Variants in CDH6 observed in about 807,000 individuals in gnomAD.
CDH6 encodes the protein cadherin 6.
Under a neutral mutation model 78.0 loss-of-function variants are expected in CDH6, and 31 were observed. The ratio of observed to expected loss-of-function variants is 0.40; its 90% CI spans 0.30 to 0.54. The LOEUF (loss-of-function observed/expected upper bound fraction) is 0.54, where lower values mean the gene tolerates loss of function less well. Ranked by LOEUF, CDH6 falls within the 20% of genes least tolerant of loss-of-function variation. The pLI is 0.56. For missense variants in CDH6, 724 were observed against 975.9 expected, an observed-to-expected ratio of 0.74 and a Z score of 3.44; for synonymous variants, 376 against 368.8, an observed-to-expected ratio of 1.02 and a Z score of -0.23.
chr5:31,211,797 C>T (rs891758185), intron 1 of CDH6, among the ~76,000 whole-genome samples: 14 of 152,112 alleles, frequency 9.2e-5, no homozygotes, highest in African/African-American at 1.4e-4. Context: ...GACCTTGCCA[C>T]GGTGTGAGTT....
chr5:31,208,204 G>A lies in CDH6; in HGVS notation c.-129+14318G>A, dbSNP rs550437911. On this transcript the variant is annotated intron_variant, in intron 1 of 11. Coordinates refer to ENST00000265071, the MANE Select transcript of CDH6 (RefSeq NM_004932.4). ...ATGAGCCTGGGAGAGCAACCAACAA[G>A]TCTGTGCACATTCCAGAGGCTACGA... Among the ~76,000 whole-genome samples the A allele has an allele frequency of 2.0e-5, 3 of 152,286 alleles. No homozygotes were observed. The South Asian group carries it at 6.2e-4, about 32-fold the overall frequency.
chr5:31,301,129 A>T (rs919534915), intron 5 of CDH6, among the ~76,000 whole-genome samples: 1 of 152,208 alleles, frequency 6.6e-6, no homozygotes, highest in Non-Finnish European at 1.5e-5. Context: ...TCCAAAAAAA[A>T]TGCTCTTTTT....
intron 1 of CDH6, among the ~76,000 whole-genome samples, chr5:31,201,031 A>G (rs1740336721): frequency 6.6e-6 from 1 of 152,150 alleles, no homozygotes; most frequent in Non-Finnish European, 1.5e-5. Flanking sequence ...TCTTATCTCT[A>G]TCTTTCTCTG....
intron 1 of CDH6, among the ~76,000 whole-genome samples, chr5:31,258,490 G>A (rs1022091768): frequency 5.3e-5 from 8 of 152,132 alleles, no homozygotes; most frequent in African/African-American, 1.9e-4. Context: ...CCTGTTTGTG[G>A]GTGAGGGGCT....
rs1194086412 is a variant in CDH6 at position 31,294,583 on chromosome 5, T to C, written c.523+327T>C. ...TGAAAGCAACCTTCTCCACTTCTCT[T>C]AGCCTATGTGGGTGTTAGGGTCCAA... On this transcript the variant is annotated intron_variant, in intron 3 of 11. Coordinates refer to ENST00000265071, the MANE Select transcript of CDH6 (RefSeq NM_004932.4). The surrounding 1 kb of genome is among the most constrained non-coding windows in gnomAD (Gnocchi z 4.1). 6.6e-6 allele frequency among the ~76,000 whole-genome samples: 1 copy of C among 152,076 alleles called. No homozygotes were observed. Among genetic ancestry groups the C allele is most frequent in the African/African-American group, 2.4e-5 (1 of 41,412 alleles).
chr5:31,284,276 GT>G (rs1742951587), intron 2 of CDH6, among the ~76,000 whole-genome samples: 1 of 152,218 alleles, frequency 6.6e-6, no homozygotes, highest in African/African-American at 2.4e-5. Context: ...TCTCAATGGG[GT>G]TTGTACTAGG....
At chr5:31,253,259 T>C (rs906341987) in intron 1 of CDH6, among the ~76,000 whole-genome samples, 50 of 152,184 alleles carry the variant, frequency 3.3e-4, no homozygotes, top group African/African-American at 1.2e-3. Flanking sequence ...TGGGAGGTAA[T>C]TTATCATGGG....
chr5:31,323,540 G>A lies in CDH6; in HGVS notation c.*232G>A. 2.0e-6 allele frequency: 1 copy of A among 503,684 alleles called. No homozygotes were observed. The highest frequency in any genetic ancestry group is 3.5e-6 in the Non-Finnish European group (1 of 282,428). 31.2% of individuals were successfully genotyped at this position (503,684 alleles called of 1,614,324 possible). A position where few individuals can be genotyped will look rare whatever the true frequency, so the allele number is the denominator to read the frequency against. On this transcript the variant is annotated 3_prime_UTR_variant, in exon 12 of 12. Coordinates refer to ENST00000265071, the MANE Select transcript of CDH6 (RefSeq NM_004932.4). ...CCAGTTAACCAAGTCAGCCCAACAGGCAGGTGCCGGAGGGGAGGACAGGGA... is the reference window on the plus strand; with the variant it reads ...CCAGTTAACCAAGTCAGCCCAACAGACAGGTGCCGGAGGGGAGGACAGGGA...
At chr5:31,206,995 C>T (rs1227736729) in intron 1 of CDH6, among the ~76,000 whole-genome samples, 3 of 152,034 alleles carry the variant, frequency 2.0e-5, no homozygotes, top group Non-Finnish European at 4.4e-5. Flanking sequence ...GTGATTTTGC[C>T]ACAAAGCACA....
intron 2 of CDH6, among the ~76,000 whole-genome samples, chr5:31,269,229 G>C (rs1246892208): frequency 6.9e-6 from 1 of 144,068 alleles, no homozygotes; most frequent in Non-Finnish European, 1.5e-5. Context: ...CTCTCCAATT[G>C]TGATGCCATT....
rs78598441 is a variant in CDH6 at position 31,324,788 on chromosome 5, C to T, written c.*1480C>T. 5.8e-3 allele frequency: 1,195 copies of T among 206,370 alleles called. 18 individuals carry two copies. The highest frequency in any genetic ancestry group is 0.046 in the East Asian group (621 of 13,548). The allele number at this position is 206,370 out of a possible 1,614,324, so 12.8% of individuals were successfully genotyped here. A position where few individuals can be genotyped will look rare whatever the true frequency, so the allele number is the denominator to read the frequency against. On this transcript the variant is annotated 3_prime_UTR_variant, in exon 12 of 12. Coordinates refer to ENST00000265071, the MANE Select transcript of CDH6 (RefSeq NM_004932.4). ...AACTGAACTGAACTAATCCTTCTGGCAGATTCAAATCGTTTATTTCACACG... is the reference window on the plus strand; with the variant it reads ...AACTGAACTGAACTAATCCTTCTGGTAGATTCAAATCGTTTATTTCACACG...
At chr5:31,312,945 G>GCA (rs3028834) in intron 7 of CDH6, among the ~76,000 whole-genome samples, 45,357 of 149,120 alleles carry the variant, frequency 0.3, 7,312 homozygotes, top group Admixed American at 0.38. Context: ...ATGCATACAA[G>GCA]CACACACACA....
At chr5:31,206,154 G>GATAC (rs147074932) in intron 1 of CDH6, among the ~76,000 whole-genome samples, 1 of 51,680 alleles carries the variant, frequency 1.9e-5, no homozygotes, top group Non-Finnish European at 4.9e-5. Flanking sequence ...ATAGATAGAT[G>GATAC]ATAGAATAGA....
Position 31,313,380 on chromosome 5 carries a change from C to T in CDH6, c.1316C>T (p.Ser439Leu), listed in dbSNP as rs771406443. 4.3e-6 allele frequency: 7 copies of T among 1,613,684 alleles called. No homozygotes were observed. Among genetic ancestry groups the T allele is most frequent in the East Asian group, 2.2e-5 (1 of 44,864 alleles). The change falls in exon 8 of 12, where the codon TCG becomes TTG. Residue 439 changes from serine (S) to leucine (L), a missense_variant. Physicochemically the swap from Ser to Leu is moderately radical, Grantham distance 145. This residue lies in a region of CDH6 where 446 missense variants were observed against 684.5 expected (regional missense o/e 0.65). Coordinates refer to ENST00000265071, the MANE Select transcript of CDH6 (RefSeq NM_004932.4). ...TTCAACATTGATTCTGGAAATGGTT[C>T]GATTTTTACATCGAAACTTCTTGAC... is the stretch of plus-strand genomic sequence containing the variant. ...RIFNIDSGNGSIFTSKLLDRE... is the reference protein window; with the variant it reads ...RIFNIDSGNGLIFTSKLLDRE...
In CDH6 at chr5:31,305,194, G is replaced by T; in HGVS notation, c.1020G>T (p.Lys340Asn). The T allele has an allele frequency of 6.2e-7, 1 of 1,612,452 alleles. No individual in the cohort carries two copies. Reference sequence around the variant, plus strand: ...TCAAGCTCTTGGACTTTGAAAAGAAGAAAGTGTATACCCTTAAAGTGGAAG... The same window carrying T: ...TCAAGCTCTTGGACTTTGAAAAGAATAAAGTGTATACCCTTAAAGTGGAAG... ...TVKKLLDFEK[K>N]KVYTLKVEAS... Residue 340 changes from lysine (K) to asparagine (N), a missense_variant, in exon 7 of 12, where the codon AAG becomes AAT. Transcript: ENST00000265071.
At chr5:31,246,126 T>C (rs567417108) in intron 1 of CDH6, among the ~76,000 whole-genome samples, 1 of 151,906 alleles carries the variant, frequency 6.6e-6, no homozygotes, top group East Asian at 1.9e-4. Context: ...TGGCCAGGAT[T>C]GTCTCCATCT....
chr5:31,212,115 C>T (rs961058062), intron 1 of CDH6, among the ~76,000 whole-genome samples: 11 of 152,270 alleles, frequency 7.2e-5, no homozygotes, highest in South Asian at 4.2e-4. Flanking sequence ...ACATTTCTCT[C>T]GTGCAGTTTC....
intron 1 of CDH6, among the ~76,000 whole-genome samples, chr5:31,254,160 G>A (rs561077283): frequency 6.6e-6 from 1 of 152,256 alleles, no homozygotes; most frequent in East Asian, 1.9e-4. Flanking sequence ...TAGTCACTTA[G>A]CCCTCGTGGT....
intron 2 of CDH6, among the ~76,000 whole-genome samples, chr5:31,282,843 C>T (rs1018064728): frequency 6.6e-6 from 1 of 152,136 alleles, no homozygotes; most frequent in Non-Finnish European, 1.5e-5. Context: ...CCACATGACA[C>T]AAGGTCTATT....
Sources: allele counts gnomAD v4.1 joint callset (sites outside exome capture counted in the v4.1 genomes callset), GRCh38; gene constraint gnomAD v4.1.1; regional missense constraint gnomAD v4.1.1; non-coding constraint Gnocchi (gnomAD v3.1); transcripts MANE v1.5; gene names NCBI Gene and HGNC (gene_info 2026-07-23, HGNC 2026-07-21).